The following LONP1 variants were observed in gnomAD, a reference collection of about 807,000 sequenced individuals.
LONP1 encodes lon protease homolog, mitochondrial.
Under a neutral mutation model 98.5 loss-of-function variants are expected in LONP1, and 31 were observed. The observed-to-expected ratio is 0.31, with a 90% confidence interval of 0.24 to 0.42. LONP1 has a LOEUF of 0.42. Ranked by LOEUF, LONP1 falls within the 20% of genes least tolerant of loss-of-function variation. The pLI, the probability that LONP1 is intolerant of heterozygous loss-of-function variation, is 1.00. For synonymous variants in LONP1, 781 were observed against 594.7 expected (o/e 1.31, Z -4.56); for missense variants, 1,336 against 1,350.6 (o/e 0.99, Z 0.17).
intron 11 of LONP1, 145 bp from the exon 12 acceptor site, chr19:5,696,516 G>T: frequency 7.6e-7 from 1 of 1,319,718 alleles, no homozygotes; most frequent in Non-Finnish European, 1.0e-6. Context: ...GCTGGGCGTG[G>T]CTGTGGGTGG....
At position 5,692,160 on chromosome 19, in the gene LONP1, T is replaced by C. The variant is rs1407218728; in HGVS notation, c.2752A>G (p.Lys918Glu). Residue 918 changes from lysine to glutamate, a missense_variant, in exon 18 of 18, where the codon AAG becomes GAG. Physicochemically the swap from Lys to Glu is moderately conservative, Grantham distance 56. Coordinates refer to ENST00000360614, the MANE Select transcript of LONP1 (RefSeq NM_004793.4). The stretch of plus-strand genomic sequence containing the variant: ...AAGGCTGCCAGGTCGTAGAAGTCCT[T>C]CTTGTTCTCGGCTGGCAGGACGATG... ...TCIVLPAENK[K>E]DFYDLAAFIT... The C allele has an allele frequency of 1.2e-6, 2 of 1,613,820 alleles. No homozygotes were observed. Among genetic ancestry groups the C allele is most frequent in the Non-Finnish European group, 1.7e-6 (2 of 1,179,916 alleles).
Position 5,700,942 on chromosome 19 carries a change from A to G in LONP1, c.1368-15T>C, listed in dbSNP as rs2055029826. 1 of 1,613,984 alleles carries G rather than the reference A, an allele frequency of 6.2e-7. No homozygotes were observed. Among genetic ancestry groups the G allele is most frequent in the Non-Finnish European group, 8.5e-7 (1 of 1,179,930 alleles). On this transcript the variant is annotated splice_polypyrimidine_tract_variant and intron_variant, in intron 8 of 17. Coordinates refer to ENST00000360614, the MANE Select transcript of LONP1 (RefSeq NM_004793.4). ...TGCGGGTGACACTGCCAGGGGACAG[A>G]TGGAGAGATGCTGAGTGGAGCTCAC...
rs1411282596 is a variant in LONP1, at chr19:5,701,556, G to C, written c.1368-629C>G. Among the ~76,000 whole-genome samples the C allele has an allele frequency of 5.3e-5, 8 of 152,152 alleles. No individual in the cohort carries two copies. In the South Asian group the frequency reaches 1.2e-3, roughly 24 times the overall value. On this transcript the variant is annotated intron_variant, in intron 8 of 17. Coordinates refer to ENST00000360614, the MANE Select transcript of LONP1 (RefSeq NM_004793.4). ...CTGTGTTGGCCGGGCTGGTCTCCAG[G>C]TCCTAACCGCGAGTGGTCCGCCGGC...
intron 10 of LONP1, among the ~76,000 whole-genome samples, chr19:5,697,508 GGGGGGAGAGAAGAGGGAGGAGA>G (rs376742403): frequency 4.3e-4 from 63 of 146,382 alleles, no homozygotes; most frequent in Non-Finnish European, 7.3e-4. Context: ...GAGGGAGGAG[GGGGGGAGAGAAGAGGGAGGAGA>G]GGGGGAAGAG....
intron 1 of LONP1, among the ~76,000 whole-genome samples, chr19:5,718,563 C>T (rs1392243637): frequency 6.6e-6 from 1 of 151,712 alleles, no homozygotes; most frequent in East Asian, 1.9e-4. Context: ...TCTGAAATGG[C>T]CTTTCCCTTC....
chr19:5,705,812 T>A lies in LONP1; in HGVS notation c.1327A>T (p.Ser443Cys). ...TGGTTGTCCAGCAGGCCCAGCTTGC[T>A]CAGCTCCTCGTCCACAACATCCATG... ...HVMDVVDEELSKLGLLDNHSS... is the reference protein window; with the variant it reads ...HVMDVVDEELCKLGLLDNHSS... Residue 443 changes from serine (S) to cysteine (C), a missense_variant, in exon 8 of 18, where the codon AGC becomes TGC. This residue lies in a region of LONP1 where 219 missense variants were observed against 241.0 expected (regional missense o/e 0.91). Transcript: ENST00000360614. The A allele has an allele frequency of 6.2e-7, 1 of 1,614,104 alleles. No individual in the cohort carries two copies. The highest frequency in any genetic ancestry group is 8.5e-7 in the Non-Finnish European group (1 of 1,180,030).
rs61737436 is a variant in LONP1 at position 5,692,184 on chromosome 19, T to C, written c.2728A>G (p.Ile910Val). Residue 910 changes from isoleucine to valine, a missense_variant, in exon 18 of 18, where the codon ATC (isoleucine) becomes GTC (valine). By Grantham distance (29) the Ile-to-Val change is conservative. This residue lies in a region of LONP1 where 555 missense variants were observed against 542.6 expected (regional missense o/e 1.02). Coordinates refer to ENST00000360614, the MANE Select transcript of LONP1 (RefSeq NM_004793.4). The part of the protein sequence containing the change: ...IAAKRAGVTC[I>V]VLPAENKKDF... Reference sequence around the variant, plus strand: ...TTCTTGTTCTCGGCTGGCAGGACGATGCACGTCACCCCTGCGCGCTTGGCC... The same window carrying C: ...TTCTTGTTCTCGGCTGGCAGGACGACGCACGTCACCCCTGCGCGCTTGGCC... 1 of 1,613,896 alleles carries C rather than the reference T, an allele frequency of 6.2e-7. No homozygotes were observed. The highest frequency in any genetic ancestry group is 8.5e-7 in the Non-Finnish European group (1 of 1,179,856).
Position 5,713,236 on chromosome 19 carries a change from A to G in LONP1, c.536T>C (p.Val179Ala). 6.2e-7 allele frequency: 1 copy of G among 1,614,130 alleles called. No homozygotes were observed. The highest frequency in any genetic ancestry group is 8.5e-7 in the Non-Finnish European group (1 of 1,180,010). The stretch of plus-strand genomic sequence containing the variant: ...GTGGTAGATTTCATCCAGGCTCTCG[A>G]CCACATCCGACTCATTGCTGTGGGA... ...KRDDSNESDVVESLDEIYHTG... is the reference protein window; with the variant it reads ...KRDDSNESDVAESLDEIYHTG... Residue 179 changes from valine to alanine, a missense_variant, in exon 3 of 18, where the codon GTC (valine) becomes GCC (alanine). By Grantham distance (64) the Val-to-Ala change is moderately conservative (BLOSUM62 0). Coordinates refer to ENST00000360614, the MANE Select transcript of LONP1 (RefSeq NM_004793.4).
chr19:5,704,471 C>T (rs1002076646), intron 8 of LONP1, among the ~76,000 whole-genome samples: 5 of 152,188 alleles, frequency 3.3e-5, no homozygotes, highest in East Asian at 1.9e-4. Context: ...AAATCTGAGG[C>T]GGGGTCCTGG....
At chr19:5,715,567 G>C (rs538898220) in intron 1 of LONP1, among the ~76,000 whole-genome samples, 1 of 138,330 alleles carries the variant, frequency 7.2e-6, no homozygotes, top group South Asian at 2.4e-4. Flanking sequence ...GCGTGAACCC[G>C]GGAGGCGGAG....
chr19:5,701,468 T>C (rs559607713), intron 8 of LONP1, among the ~76,000 whole-genome samples: 96 of 152,324 alleles, frequency 6.3e-4, no homozygotes, highest in Non-Finnish European at 1.2e-3. Context: ...GTGCCTGCGA[T>C]TGCAGGCGCG....
intron 1 of LONP1, among the ~76,000 whole-genome samples, chr19:5,714,618 CTTTT>C (rs369231779): frequency 1.6e-5 from 2 of 127,856 alleles, no homozygotes; most frequent in Admixed American, 8.0e-5. Context: ...GGTAGCTTTT[CTTTT>C]TTTTTTTTTT....
chr19:5,694,394 G>C lies in LONP1; in HGVS notation c.2313C>G (p.Thr771=), dbSNP rs754644236. 6.2e-7 allele frequency: 1 copy of C among 1,612,812 alleles called. No homozygotes were observed. The highest frequency in any genetic ancestry group is 2.2e-5 in the East Asian group (1 of 44,874). The change falls in exon 15 of 18, where the codon ACC becomes ACG. Residue 771 remains threonine (T), a synonymous_variant. Transcript: ENST00000360614. ...PPGVVMGLAW[T]AMGGSTLFVE... ...TCCCGCCACCACGCTCACCCATTGCGGTCCAGGCCAGCCCCATGACCACGC... is the reference window on the plus strand; with the variant it reads ...TCCCGCCACCACGCTCACCCATTGCCGTCCAGGCCAGCCCCATGACCACGC...
intron 5 of LONP1, 178 bp from the exon 6 acceptor site, chr19:5,708,004 C>CTGGAAAGG: frequency 1.4e-6 from 1 of 732,360 alleles, no homozygotes; most frequent in Non-Finnish European, 2.2e-6. Context: ...GCCCACCCGT[C>CTGGAAAGG]CTGGGCTGGA....
intron 5 of LONP1, 61 bp from the exon 6 acceptor site, chr19:5,707,887 C>A (rs2145614313): frequency 6.3e-7 from 1 of 1,588,718 alleles, no homozygotes; most frequent in Non-Finnish European, 8.6e-7. Context: ...CAGTGCAGCC[C>A]CCAAACGGGG....
rs1391362833 is a variant in LONP1, at chr19:5,694,785, G to A, written c.2130C>T (p.Arg710=). ...CCTTCTCCACTTGCTTCTGCAGGTTGCGGACACCGCTCTCGCGGCAGTACT... is the reference window on the plus strand; with the variant it reads ...CCTTCTCCACTTGCTTCTGCAGGTTACGGACACCGCTCTCGCGGCAGTACT... ...IKQYCRESGV[R]NLQKQVEKVL... The change falls in exon 14 of 18, where the codon CGC becomes CGT. Residue 710 remains arginine, a synonymous_variant. Transcript: ENST00000360614. 1 of 1,593,376 alleles carries A rather than the reference G, an allele frequency of 6.3e-7. No homozygotes were observed. Among genetic ancestry groups the A allele is most frequent in the African/African-American group, 1.3e-5 (1 of 74,576 alleles).
intron 8 of LONP1, among the ~76,000 whole-genome samples, chr19:5,704,402 C>G (rs568265305): frequency 6.6e-6 from 1 of 152,176 alleles, no homozygotes; most frequent in Non-Finnish European, 1.5e-5. Context: ...CCACAGCCTT[C>G]GCGCGCAACC....
upstream of LONP1, chr19:5,720,329 T>G (rs1035756966): frequency 3.8e-5 from 31 of 820,570 alleles, no homozygotes; most frequent in Non-Finnish European, 4.9e-5. Context: ...TCTCCCACTT[T>G]ATGCGCTGAA....
chr19:5,697,375 G>C (rs886762297), intron 10 of LONP1, among the ~76,000 whole-genome samples: 6 of 151,778 alleles, frequency 4.0e-5, no homozygotes, highest in Non-Finnish European at 7.4e-5. Context: ...CACGTGAGGA[G>C]AGAGCCACGT....
Sources: allele counts gnomAD v4.1 joint callset (sites outside exome capture counted in the v4.1 genomes callset), GRCh38; gene constraint gnomAD v4.1.1; regional missense constraint gnomAD v4.1.1; transcripts MANE v1.5; gene names NCBI Gene and HGNC (gene_info 2026-07-23, HGNC 2026-07-21).